Variants in NDFIP2 observed in about 807,000 individuals in gnomAD.
NDFIP2 encodes Nedd4 family interacting protein 2, also known as NEDD4 family-interacting protein 2.
NDFIP2 carries 19 observed loss-of-function variants against 36.0 expected under a neutral mutation model. That is an observed-to-expected ratio of 0.53 (90% CI 0.37 to 0.77). The LOEUF is 0.77. NDFIP2 is among the 30% of genes least tolerant of loss of function. NDFIP2 has a pLI of 0.00. For synonymous variants in NDFIP2, 181 were observed against 167.7 expected (o/e 1.08, Z -0.61); for missense variants, 446 against 435.8 (o/e 1.02, Z -0.21).
At chr13:79,506,419 A>G (rs1419715602) in intron 1 of NDFIP2, among the ~76,000 whole-genome samples, 2 of 152,124 alleles carry the variant, frequency 1.3e-5, no homozygotes, top group African/African-American at 4.8e-5. Flanking sequence ...TGGCTATATA[A>G]TATTTTATTG....
chr13:79,543,592 A>G lies in NDFIP2; in HGVS notation c.750A>G (p.Leu250=), dbSNP rs756173891. 3 of 1,613,842 alleles carry G rather than the reference A, an allele frequency of 1.9e-6. No individual in the cohort carries two copies. In the Admixed American group the frequency reaches 5.0e-5, roughly 27 times the overall value. ...AFIFNWLGFC[L]SFCITNTIAG... is the part of the protein sequence containing the mutation. ...TTTTCAACTGGCTTGGATTTTGTTT[A>G]TCCTTCTGTATCACCAATACCATAG... The change falls in exon 5 of 8, where the codon TTA becomes TTG. Residue 250 remains leucine (L), a synonymous_variant. Transcript: ENST00000218652.
intron 1 of NDFIP2, among the ~76,000 whole-genome samples, chr13:79,490,531 T>C (rs1469822478): frequency 6.6e-6 from 1 of 152,174 alleles, no homozygotes; most frequent in Non-Finnish European, 1.5e-5. Flanking sequence ...ATAGGCCATG[T>C]GGTCTCTGTC....
At chr13:79,505,593 C>T (rs1873831970) in intron 1 of NDFIP2, among the ~76,000 whole-genome samples, 1 of 151,246 alleles carries the variant, frequency 6.6e-6, no homozygotes, top group South Asian at 2.1e-4. Flanking sequence ...TGTGCAACTG[C>T]ACTCCAGCCT....
intron 1 of NDFIP2, among the ~76,000 whole-genome samples, chr13:79,502,023 C>T (rs1057390930): frequency 6.6e-6 from 1 of 152,094 alleles, no homozygotes; most frequent in Non-Finnish European, 1.5e-5. Flanking sequence ...ATGGGATTTG[C>T]ACCTATTTCC....
At chr13:79,533,750 A>C (rs1310256093) in intron 3 of NDFIP2, among the ~76,000 whole-genome samples, 1 of 151,944 alleles carries the variant, frequency 6.6e-6, no homozygotes, top group Non-Finnish European at 1.5e-5. Flanking sequence ...ACATGTAAAT[A>C]GTAGTTTATG....
chr13:79,553,321 T>G lies in NDFIP2; in HGVS notation c.*808T>G, dbSNP rs1875977751. On this transcript the variant is annotated 3_prime_UTR_variant, in exon 8 of 8. Coordinates refer to ENST00000218652, the MANE Select transcript of NDFIP2 (RefSeq NM_019080.3). ...ATGTCCTTTATAAGAAAAATAAATT[T>G]TATTTTAAGGGACATACTAGTTTTA... is the stretch of plus-strand genomic sequence containing the variant. The G allele has an allele frequency of 6.6e-6, 1 of 151,240 alleles. No homozygotes were observed. Among genetic ancestry groups the G allele is most frequent in the South Asian group, 2.1e-4 (1 of 4,818 alleles). The allele number at this position is 151,240 out of a possible 1,614,324, so 9.4% of individuals were successfully genotyped here.
chr13:79,538,228 A>T (rs550705546), intron 3 of NDFIP2, among the ~76,000 whole-genome samples: 1 of 152,332 alleles, frequency 6.6e-6, no homozygotes, highest in East Asian at 1.9e-4. Context: ...TTACAGTTGA[A>T]TATGAGATTT....
chr13:79,543,531 TA>T, intron 4 of NDFIP2, 26 bp from the exon 5 acceptor site: 38 of 1,612,660 alleles, frequency 2.4e-5, no homozygotes, highest in Non-Finnish European at 3.2e-5. Context: ...TTGTGGTTTA[TA>T]AAAGAACGGT....
At chr13:79,488,738 T>C (rs533749400) in intron 1 of NDFIP2, among the ~76,000 whole-genome samples, 18 of 152,302 alleles carry the variant, frequency 1.2e-4, no homozygotes, top group African/African-American at 2.9e-4. Context: ...CAGTTAAGTT[T>C]TTGTCTCATG....
At chr13:79,551,661 T>G (rs1875914016) in intron 7 of NDFIP2, among the ~76,000 whole-genome samples, 1 of 151,506 alleles carries the variant, frequency 6.6e-6, no homozygotes, top group Non-Finnish European at 1.5e-5. Flanking sequence ...TGCTGATTTT[T>G]TATCAACTAT....
At position 79,554,488 on chromosome 13, in the gene NDFIP2, A is replaced by G. The variant is rs1365327497; in HGVS notation, c.*1975A>G. On this transcript the variant is annotated 3_prime_UTR_variant, in exon 8 of 8. Coordinates refer to ENST00000218652, the MANE Select transcript of NDFIP2 (RefSeq NM_019080.3). ...GTGCTTGTTTTCTGAATATGGATAC[A>G]TGTTACTTTTGATCCAGCATCAAAA... 1 of 151,804 alleles carries G rather than the reference A, an allele frequency of 6.6e-6. No individual in the cohort carries two copies. The highest frequency in any genetic ancestry group is 2.4e-5 in the African/African-American group (1 of 41,412). The allele number at this position is 151,804 out of a possible 1,614,324, so 9.4% of individuals were successfully genotyped here.
intron 2 of NDFIP2, 84 bp downstream of exon 2, chr13:79,521,059 G>T: frequency 2.5e-6 from 3 of 1,179,926 alleles, no homozygotes; most frequent in Non-Finnish European, 1.2e-6. Flanking sequence ...TCTGTTAATG[G>T]GCTTATAAAC....
At chr13:79,509,332 T>A (rs1594846911) in intron 1 of NDFIP2, among the ~76,000 whole-genome samples, 1 of 152,148 alleles carries the variant, frequency 6.6e-6, no homozygotes, top group African/African-American at 2.4e-5. Context: ...GATTAATAGA[T>A]CTTCTGATTG....
intron 4 of NDFIP2, among the ~76,000 whole-genome samples, chr13:79,540,359 C>T (rs1394275110): frequency 6.6e-6 from 1 of 152,142 alleles, no homozygotes; most frequent in Non-Finnish European, 1.5e-5. Flanking sequence ...TGAGGGAAGA[C>T]TGTGTCAAAG....
intron 1 of NDFIP2, among the ~76,000 whole-genome samples, chr13:79,511,473 A>G (rs893395335): frequency 1.3e-5 from 2 of 152,220 alleles, no homozygotes; most frequent in African/African-American, 4.8e-5. Flanking sequence ...TTAGGGTCAG[A>G]TATTTACTTA....
Position 79,490,391 on chromosome 13 carries a change from A to G in NDFIP2, c.321+8867A>G, listed in dbSNP as rs542939929. On this transcript the variant is annotated intron_variant, in intron 1 of 7. Transcript: ENST00000218652. ...CTGAGTGGTGGTCTCATGTGACTAG[A>G]GTGATCACATGCTCGTGAAGATGAC... is the stretch of plus-strand genomic sequence containing the variant. 2.0e-5 allele frequency among the ~76,000 whole-genome samples: 3 copies of G among 152,254 alleles called. No individual in the cohort carries two copies. In the Middle Eastern group the frequency reaches 0.01, roughly 518 times the overall value.
At chr13:79,540,346 T>G (rs57929179) in intron 4 of NDFIP2, among the ~76,000 whole-genome samples, 8,535 of 152,220 alleles carry the variant, frequency 0.056, 472 homozygotes, top group African/African-American at 0.14. Flanking sequence ...AATTTAATCT[T>G]CTTGAGGGAA....
In NDFIP2 at chr13:79,539,698, G is replaced by A. The variant is rs1047452525; in HGVS notation, c.638G>A (p.Cys213Tyr). ...TATTTACAGATTCAGGAGGAAGAGT[G>A]TCCACCAAGAGATGACTTCAGTGAT... is the stretch of plus-strand genomic sequence containing the variant. Reference protein sequence around the residue: ...ETSQRIQEEECPPRDDFSDAD... With the variant: ...ETSQRIQEEEYPPRDDFSDAD... Residue 213 changes from cysteine (C) to tyrosine (Y), a missense_variant, in exon 4 of 8, where the codon TGT (cysteine) becomes TAT (tyrosine). Physicochemically the swap from Cys to Tyr is radical, Grantham distance 194 (BLOSUM62 -2). This residue lies in a region of NDFIP2 where 369 missense variants were observed against 304.8 expected (regional missense o/e 1.21). Coordinates refer to ENST00000218652, the MANE Select transcript of NDFIP2 (RefSeq NM_019080.3). 3 of 1,613,566 alleles carry A rather than the reference G, an allele frequency of 1.9e-6. No individual in the cohort carries two copies. The highest frequency in any genetic ancestry group is 1.7e-6 in the Non-Finnish European group (2 of 1,179,584).
intron 1 of NDFIP2, among the ~76,000 whole-genome samples, chr13:79,509,468 A>T (rs1048631786): frequency 6.6e-6 from 1 of 152,156 alleles, no homozygotes; most frequent in African/African-American, 2.4e-5. Flanking sequence ...GAGAGAATAG[A>T]TTATAAATGC....
Sources: allele counts gnomAD v4.1 joint callset (sites outside exome capture counted in the v4.1 genomes callset), GRCh38; gene constraint gnomAD v4.1.1; regional missense constraint gnomAD v4.1.1; transcripts MANE v1.5; gene names NCBI Gene and HGNC (gene_info 2026-07-23, HGNC 2026-07-21).